The following PLBD2 variants were observed in gnomAD, a reference collection of about 807,000 sequenced individuals.
PLBD2 encodes phospholipase B domain containing 2, also known as putative aminopeptidase PLBD2.
Under a neutral mutation model 68.3 loss-of-function variants are expected in PLBD2, and 51 were observed. The ratio of observed to expected loss-of-function variants is 0.75; its 90% confidence interval spans 0.60 to 0.94. PLBD2 has a LOEUF of 0.94. Among genes scored for constraint, PLBD2 ranks in the 40% least tolerant of loss-of-function variants. The pLI is 0.00. For synonymous variants in PLBD2, 314 were observed against 339.3 expected, an observed-to-expected ratio of 0.93 and a Z score of 0.82; for missense variants, 729 against 792.2, an observed-to-expected ratio of 0.92 and a Z score of 0.96.
intron 1 of PLBD2, among the ~76,000 whole-genome samples, chr12:113,360,308 G>A (rs1466173144): frequency 1.3e-5 from 2 of 152,172 alleles, no homozygotes; most frequent in Non-Finnish European, 2.9e-5. Flanking sequence ...CTGGTGACCC[G>A]TTCTTTGCTG....
intron 1 of PLBD2, among the ~76,000 whole-genome samples, chr12:113,361,326 G>C (rs952595840): frequency 1.0e-4 from 15 of 147,958 alleles, no homozygotes; most frequent in Middle Eastern, 3.5e-3. Flanking sequence ...TTTTAAAAAA[G>C]GTTTTTTTTT....
rs745951952 is a variant in PLBD2 at position 113,387,827 on chromosome 12, G to T, written c.1523G>T (p.Arg508Leu). 1 of 1,614,154 alleles carries T rather than the reference G, an allele frequency of 6.2e-7. No homozygotes were observed. Among genetic ancestry groups the T allele is most frequent in the East Asian group, 2.2e-5 (1 of 44,880 alleles). Residue 508 changes from arginine to leucine, a missense_variant, in exon 11 of 12, where the codon CGC becomes CTC. By Grantham distance (102) the Arg-to-Leu change is moderately radical. Transcript: ENST00000280800. ...QPNGENAISA[R>L]SDLNPANGSY... ...AATGGGGAGAATGCTATCTCCGCCC[G>T]CTCCGACCTCAACCCGGCCAATGGC...
At position 113,358,697 on chromosome 12, in the gene PLBD2, C is replaced by A; in HGVS notation, c.97C>A (p.Pro33Thr). 7.1e-7 allele frequency: 1 copy of A among 1,417,984 alleles called. No homozygotes were observed. The highest frequency in any genetic ancestry group is 3.1e-5 in the East Asian group (1 of 32,774). 87.8% of individuals were successfully genotyped at this position (1,417,984 alleles called of 1,614,324 possible). ...LALVLALLVG[P>T]FLSGLAGAIP... Reference sequence around the variant, plus strand: ...CCTGGTGCTGGCCCTGCTGGTCGGGCCGTTCCTGAGCGGCCTGGCGGGGGC... The same window carrying A: ...CCTGGTGCTGGCCCTGCTGGTCGGGACGTTCCTGAGCGGCCTGGCGGGGGC... Residue 33 changes from proline (P) to threonine (T), a missense_variant, in exon 1 of 12, where the codon CCG becomes ACG. Physicochemically the swap from Pro to Thr is conservative, Grantham distance 38. Transcript: ENST00000280800.
Position 113,374,880 on chromosome 12 carries a change from T to C in PLBD2, c.732T>C (p.Cys244=), listed in dbSNP as rs764512805. The C allele has an allele frequency of 1.2e-6, 2 of 1,613,928 alleles. No homozygotes were observed. The highest frequency in any genetic ancestry group is 1.7e-6 in the Non-Finnish European group (2 of 1,180,028). ...KIKPSLGSGS[C]SALIKLLPGQ... is the part of the protein sequence containing the mutation. ...AACCTTCTCTGGGCTCTGGCTCCTG[T>C]TCTGCCCTCATCAAGCTGCTCCCTG... The change falls in exon 5 of 12, where the codon TGT becomes TGC. Residue 244 remains cysteine, a synonymous_variant. Transcript: ENST00000280800.
At chr12:113,363,600 C>T (rs1447781231) in intron 1 of PLBD2, among the ~76,000 whole-genome samples, 5 of 146,162 alleles carry the variant, frequency 3.4e-5, no homozygotes, top group Non-Finnish European at 5.9e-5. Flanking sequence ...GTCAGTGGCG[C>T]GATTTCGGGT....
intron 5 of PLBD2, among the ~76,000 whole-genome samples, chr12:113,379,845 T>C (rs906949592): frequency 1.1e-4 from 16 of 152,128 alleles, no homozygotes; most frequent in Admixed American, 3.3e-4. Flanking sequence ...ACAAAATATT[T>C]ATCTGTTTGT....
At chr12:113,360,817 G>T (rs919612392) in intron 1 of PLBD2, among the ~76,000 whole-genome samples, 5 of 152,052 alleles carry the variant, frequency 3.3e-5, no homozygotes, top group African/African-American at 1.2e-4. Context: ...CACCATGCCC[G>T]GCTAATTTTT....
Position 113,384,407 on chromosome 12 carries a change from T to A in PLBD2, c.1118+142T>A, listed in dbSNP as rs1014523509. On this transcript the variant is annotated intron_variant, in intron 7 of 11. Coordinates refer to ENST00000280800, the MANE Select transcript of PLBD2 (RefSeq NM_173542.4). This position sits in a 1 kb window ranked among gnomAD's most constrained non-coding sequence, Gnocchi z 4.2. ...TCCTTTGTTTCATACATGGGGAGAC[T>A]GAGGCTAGGGAAGGAAAGGATTTGC... The A allele has an allele frequency of 8.8e-7, 1 of 1,137,538 alleles. No homozygotes were observed. The highest frequency in any genetic ancestry group is 1.2e-6 in the Non-Finnish European group (1 of 826,576). The allele number at this position is 1,137,538 out of a possible 1,614,324, so 70.5% of individuals were successfully genotyped here.
intron 1 of PLBD2, among the ~76,000 whole-genome samples, chr12:113,368,022 C>T (rs1482913336): frequency 6.6e-6 from 1 of 151,864 alleles, no homozygotes; most frequent in East Asian, 1.9e-4. Context: ...GCAGAGGTTG[C>T]AGTGAGCTGA....
intron 5 of PLBD2, among the ~76,000 whole-genome samples, chr12:113,378,412 T>A (rs1028829547): frequency 3.9e-5 from 6 of 152,238 alleles, no homozygotes; most frequent in East Asian, 3.8e-4. Context: ...TGAGTTTTTT[T>A]AAAATCATAA....
rs1352594853 is a variant in PLBD2 at position 113,374,586 on chromosome 12, C to T, written c.644+12C>T. 3 of 1,580,534 alleles carry T rather than the reference C, an allele frequency of 1.9e-6. No individual in the cohort carries two copies. The highest frequency in any genetic ancestry group is 1.8e-5 in the Admixed American group (1 of 55,024). On this transcript the variant is annotated intron_variant, in intron 4 of 11. Coordinates refer to ENST00000280800, the MANE Select transcript of PLBD2 (RefSeq NM_173542.4). Reference sequence around the variant, plus strand: ...CCCTTGGGGTTCCTGTAAGTGCCACCCCCAGAGTGAACAGGGTGGGAAGAA... The same window carrying T: ...CCCTTGGGGTTCCTGTAAGTGCCACTCCCAGAGTGAACAGGGTGGGAAGAA...
At position 113,362,599 on chromosome 12, in the gene PLBD2, A is replaced by C. The variant is rs555586570; in HGVS notation, c.290+3709A>C. Among the ~76,000 whole-genome samples the C allele has an allele frequency of 8.1e-4, 123 of 152,056 alleles. 1 individual carries two copies. Among genetic ancestry groups the C allele is most frequent in the African/African-American group, 2.6e-3 (109 of 41,492 alleles). On this transcript the variant is annotated intron_variant, in intron 1 of 11. Coordinates refer to ENST00000280800, the MANE Select transcript of PLBD2 (RefSeq NM_173542.4). ...TTTGGCCCATAGATTTTCCAGGAAA[A>C]AAAAAAAAAGATTGAGGAAACAGAC...
chr12:113,384,208 G>C lies in PLBD2; in HGVS notation c.1061G>C (p.Arg354Pro). ...TGGGTACGCAACATCGTGGCCAACC[G>C]CCTGGCCTCGGATGGGGCCACCTGG... ...LEWVRNIVAN[R>P]LASDGATWAD... The change falls in exon 7 of 12, where the codon CGC (arginine) becomes CCC (proline). Residue 354 changes from arginine to proline, a missense_variant. Arg to Pro is a moderately radical substitution (Grantham distance 103). Coordinates refer to ENST00000280800, the MANE Select transcript of PLBD2 (RefSeq NM_173542.4). The surrounding 1 kb of genome is among the most constrained non-coding windows in gnomAD (Gnocchi z 4.2). 6.2e-7 allele frequency: 1 copy of C among 1,613,876 alleles called. No individual in the cohort carries two copies. Among genetic ancestry groups the C allele is most frequent in the South Asian group, 1.1e-5 (1 of 91,066 alleles).
At chr12:113,385,381 C>A in intron 9 of PLBD2, 98 bp downstream of exon 9, 3 of 1,156,926 alleles carry the variant, frequency 2.6e-6, no homozygotes, top group South Asian at 1.4e-5. Context: ...ACCCACAGAA[C>A]AAAGAATCCC....
In PLBD2 at chr12:113,387,769, C is replaced by T. The variant is rs760477020; in HGVS notation, c.1465C>T (p.Leu489=). 3 of 1,614,198 alleles carry T rather than the reference C, an allele frequency of 1.9e-6. No homozygotes were observed. Among genetic ancestry groups the T allele is most frequent in the Admixed American group, 1.7e-5 (1 of 60,028 alleles). ...GTACAATGACTTCCTCCATGACCCT[C>T]TGTCACTGTGCAAAGCCTGCAACCC... is the stretch of plus-strand genomic sequence containing the variant. ...MRYNDFLHDP[L]SLCKACNPQP... The change falls in exon 11 of 12, where the codon CTG becomes TTG. Residue 489 remains leucine, a synonymous_variant. Coordinates refer to ENST00000280800, the MANE Select transcript of PLBD2 (RefSeq NM_173542.4).
chr12:113,376,085 C>G (rs913498278), intron 5 of PLBD2, among the ~76,000 whole-genome samples: 1 of 151,820 alleles, frequency 6.6e-6, no homozygotes, highest in East Asian at 1.9e-4. Flanking sequence ...ACCTCCTGAC[C>G]TCAAGTGATC....
At chr12:113,376,155 G>T (rs1957436394) in intron 5 of PLBD2, among the ~76,000 whole-genome samples, 1 of 141,468 alleles carries the variant, frequency 7.1e-6, no homozygotes, top group Non-Finnish European at 1.5e-5. Context: ...CACCTGGCTT[G>T]ACACAGCATT....
intron 2 of PLBD2, 105 bp downstream of exon 2, chr12:113,369,314 G>A: frequency 1.3e-6 from 1 of 769,958 alleles, no homozygotes. Flanking sequence ...CCCAACTCCT[G>A]CCACAGCCCT....
Position 113,385,219 on chromosome 12 carries a change from G to T in PLBD2, c.1222G>T (p.Val408Leu). 6.2e-7 allele frequency: 1 copy of T among 1,614,072 alleles called. No individual in the cohort carries two copies. ...LTILEQIPGM[V>L]VVADKTSELY... The stretch of plus-strand genomic sequence containing the variant: ...CTCTCTTCTCGGTCTCAGCGGCATG[G>T]TGGTGGTGGCTGACAAGACCTCGGA... Residue 408 changes from valine (V) to leucine (L), a missense_variant, in exon 9 of 12, where the codon GTG becomes TTG. Coordinates refer to ENST00000280800, the MANE Select transcript of PLBD2 (RefSeq NM_173542.4).
Sources: gnomAD v4.1 joint callset for allele counts (sites outside exome capture counted in the v4.1 genomes callset) on GRCh38, gnomAD v4.1.1 for gene constraint, Gnocchi (gnomAD v3.1) non-coding constraint, MANE v1.5 for transcripts, NCBI Gene and HGNC (gene_info 2026-07-23, HGNC 2026-07-21) for gene names.